Variants in OTOGL observed in about 807,000 individuals in gnomAD.
OTOGL encodes otogelin like, also known as otogelin-like protein.
Under a neutral mutation model 318.5 loss-of-function variants are expected in OTOGL, and 285 were observed. That is an observed-to-expected ratio of 0.89 (90% confidence interval 0.81 to 0.99). The LOEUF is 0.99. Among genes scored for constraint, OTOGL ranks in the 50% least tolerant of loss-of-function variants. The pLI is 0.00. For synonymous variants in OTOGL, 987 were observed against 936.5 expected (o/e 1.05, Z -0.99); for missense variants, 2,899 against 2,845.6 (o/e 1.02, Z -0.43).
At chr12:80,311,518 A>G (rs8181628) in intron 30 of OTOGL, among the ~76,000 whole-genome samples, 146,589 of 152,246 alleles carry the variant, frequency 0.96, 70,664 homozygotes, top group Middle Eastern at 1. Context: ...TGCCTCCTGG[A>G]TTCAAGCGAT....
intron 1 of OTOGL, among the ~76,000 whole-genome samples, chr12:80,151,446 A>G (rs761550832): frequency 4.6e-5 from 7 of 152,182 alleles, no homozygotes; most frequent in Non-Finnish European, 8.8e-5. Context: ...TTGCTTATTC[A>G]CATACTTACA....
chr12:80,314,290 C>T lies in OTOGL; in HGVS notation c.3608-15C>T, dbSNP rs1328632069. 5.1e-6 allele frequency: 5 copies of T among 989,724 alleles called. No homozygotes were observed. Among genetic ancestry groups the T allele is most frequent in the African/African-American group, 1.7e-5 (1 of 59,334 alleles). 61.3% of individuals were successfully genotyped at this position (989,724 alleles called of 1,614,324 possible). A position where few individuals can be genotyped will look rare whatever the true frequency, so the allele number is the denominator to read the frequency against. On this transcript the variant is annotated splice_polypyrimidine_tract_variant and intron_variant, in intron 31 of 58. Coordinates refer to ENST00000547103, the MANE Select transcript of OTOGL (RefSeq NM_001378609.3). The stretch of plus-strand genomic sequence containing the variant: ...CTTCTTACATAGTTTAATATTTATT[C>T]TTTTTTTCTTTTAGCACTTGATTGT...
At chr12:80,274,999 G>A (rs1883691333) in intron 24 of OTOGL, among the ~76,000 whole-genome samples, 1 of 151,876 alleles carries the variant, frequency 6.6e-6, no homozygotes, top group African/African-American at 2.4e-5. Flanking sequence ...GAGTTCCAGT[G>A]GAGATGCAGA....
At chr12:80,318,900 G>T (rs954708967) in intron 33 of OTOGL, among the ~76,000 whole-genome samples, 187 bp downstream of exon 33, 3 of 151,972 alleles carry the variant, frequency 2.0e-5, no homozygotes, top group African/African-American at 7.3e-5. Context: ...TCATTTCTTT[G>T]TTTATTTATT....
At chr12:80,341,811 A>T (rs1195446917) in intron 43 of OTOGL, 137 bp from the exon 44 acceptor site, 1 of 642,646 alleles carries the variant, frequency 1.6e-6, no homozygotes, top group Non-Finnish European at 2.6e-6. Context: ...TTCAATGTAA[A>T]AGTTCAAGGA....
At position 80,251,743 on chromosome 12, in the gene OTOGL, C is replaced by A; in HGVS notation, c.1103C>A (p.Ala368Asp). The change falls in exon 12 of 59, where the codon GCC becomes GAC. Residue 368 changes from alanine (A) to aspartate (D), a missense_variant. By Grantham distance (126) the Ala-to-Asp change is moderately radical. Transcript: ENST00000547103. ...YCRAATEYAR[A>D]CSHAGYPIQD... ...CGAGCAGCCACTGAGTATGCTAGAG[C>A]CTGCTCTCATGCTGGCTACCCTATT... 6.3e-7 allele frequency: 1 copy of A among 1,594,958 alleles called. No individual in the cohort carries two copies. Among genetic ancestry groups the A allele is most frequent in the Admixed American group, 1.7e-5 (1 of 57,402 alleles).
Position 80,368,270 on chromosome 12 carries a change from C to G in OTOGL, c.6576C>G (p.Cys2192Trp). The G allele has an allele frequency of 6.2e-7, 1 of 1,600,684 alleles. No individual in the cohort carries two copies. The highest frequency in any genetic ancestry group is 8.5e-7 in the Non-Finnish European group (1 of 1,172,150). The change falls in exon 55 of 59, where the codon TGC becomes TGG. Residue 2192 changes from cysteine to tryptophan, a missense_variant. By Grantham distance (215) the Cys-to-Trp change is radical (BLOSUM62 -2). Coordinates refer to ENST00000547103, the MANE Select transcript of OTOGL (RefSeq NM_001378609.3). Reference sequence around the variant, plus strand: ...GTGGTACCTGCAAAAATGTATCCTGCAAATTTCACATGGAAAATGGAACAT... The same window carrying G: ...GTGGTACCTGCAAAAATGTATCCTGGAAATTTCACATGGAAAATGGAACAT... ...GCCGTCKNVS[C>W]KFHMENGTSV...
intron 11 of OTOGL, among the ~76,000 whole-genome samples, chr12:80,243,025 A>G (rs980184882): frequency 2.0e-5 from 3 of 148,348 alleles, no homozygotes; most frequent in African/African-American, 7.4e-5. Flanking sequence ...GAAAACCAAG[A>G]TTTTTTTTTT....
At chr12:80,374,374 G>A (rs1162562657) in intron 57 of OTOGL, among the ~76,000 whole-genome samples, 1 of 152,014 alleles carries the variant, frequency 6.6e-6, no homozygotes, top group Non-Finnish European at 1.5e-5. Flanking sequence ...CACATTCTAA[G>A]ATACACAGGC....
intron 9 of OTOGL, among the ~76,000 whole-genome samples, chr12:80,235,678 C>T (rs899254772): frequency 1.4e-4 from 22 of 152,068 alleles, no homozygotes; most frequent in African/African-American, 5.3e-4. Flanking sequence ...ACTGGGGCAG[C>T]ATGCACAAGG....
intron 24 of OTOGL, among the ~76,000 whole-genome samples, chr12:80,275,709 A>C (rs540743326): frequency 2.0e-5 from 3 of 151,914 alleles, no homozygotes; most frequent in African/African-American, 7.2e-5. Flanking sequence ...GTCTTATTTC[A>C]AGAAATTGCC....
intron 4 of OTOGL, 87 bp from the exon 5 acceptor site, chr12:80,217,511 T>C (rs1283527841): frequency 4.6e-6 from 4 of 872,890 alleles, no homozygotes; most frequent in Non-Finnish European, 5.4e-6. Flanking sequence ...TCTGTATTTG[T>C]AGTTATTTTC....
At chr12:80,309,703 T>A (rs774476554) in intron 29 of OTOGL, among the ~76,000 whole-genome samples, 1 of 152,164 alleles carries the variant, frequency 6.6e-6, no homozygotes, top group Non-Finnish European at 1.5e-5. Flanking sequence ...ATACTGGTGT[T>A]CCTTCCTGAG....
chr12:80,239,013 C>G lies in OTOGL; in HGVS notation c.945+35C>G, dbSNP rs748244709. On this transcript the variant is annotated intron_variant, in intron 10 of 58. Transcript: ENST00000547103. ...ATGTGAGAAATGTGGGCATGTCAGA[C>G]AGAATACACATATATCTTATTTGTA... 15 of 1,567,748 alleles carry G rather than the reference C, an allele frequency of 9.6e-6. No homozygotes were observed. The East Asian group carries it at 2.5e-4, about 26-fold the overall frequency.
At chr12:80,128,845 C>T (rs568989544) in intron 1 of OTOGL, among the ~76,000 whole-genome samples, 35 of 152,308 alleles carry the variant, frequency 2.3e-4, no homozygotes, top group Admixed American at 8.5e-4. Context: ...GAGCCAGGTG[C>T]GGGATACAAT....
intron 43 of OTOGL, among the ~76,000 whole-genome samples, chr12:80,340,292 T>A (rs1469672716): frequency 1.3e-5 from 2 of 152,098 alleles, no homozygotes; most frequent in Non-Finnish European, 2.9e-5. Flanking sequence ...TTTTTGGAAA[T>A]TTTTGCTAAA....
At chr12:80,268,663 C>A (rs1420605174) in intron 22 of OTOGL, among the ~76,000 whole-genome samples, 1 of 152,074 alleles carries the variant, frequency 6.6e-6, no homozygotes, top group East Asian at 1.9e-4. Flanking sequence ...TCCTCTTGCT[C>A]AAAACACCTA....
chr12:80,249,939 C>T (rs571836846), intron 11 of OTOGL, among the ~76,000 whole-genome samples: 133 of 152,160 alleles, frequency 8.7e-4, no homozygotes, highest in African/African-American at 3.0e-3. Context: ...CAGGTGCGTC[C>T]GTCAGCCCTT....
rs1033112843 is a variant in OTOGL, at chr12:80,320,473, A to G, written c.3854A>G (p.Tyr1285Cys). Residue 1285 changes from tyrosine (Y) to cysteine (C), a missense_variant, in exon 34 of 59, where the codon TAT becomes TGT. Around this residue, in one of 3 missense-constraint regions of OTOGL, gnomAD observed 2,607 missense variants for 2,524.9 expected, o/e 1.03. Transcript: ENST00000547103. ...ESAERPNYFL[Y>C]VHDNDTLSLE... ...GCTGAAAGGCCAAACTACTTTCTCT[A>G]TGTCCATGACAATGATACTCTTAGC... The G allele has an allele frequency of 1.9e-6, 3 of 1,613,378 alleles. 1 individual carries two copies. The highest frequency in any genetic ancestry group is 3.3e-4 in the Middle Eastern group (2 of 6,082).
Sources: gnomAD v4.1 joint callset for allele counts (sites outside exome capture counted in the v4.1 genomes callset) on GRCh38, gnomAD v4.1.1 for gene constraint, gnomAD v4.1.1 regional missense constraint, MANE v1.5 for transcripts, NCBI Gene and HGNC (gene_info 2026-07-23, HGNC 2026-07-21) for gene names.